The following MACF1 variants were observed in gnomAD, a reference collection of about 807,000 sequenced individuals.
The protein encoded by MACF1 is microtubule actin crosslinking factor 1, also known as microtubule-actin cross-linking factor 1.
MACF1 carries 193 observed loss-of-function variants against 854.8 expected under a neutral mutation model. That is an observed-to-expected ratio of 0.23 (90% CI 0.20 to 0.25). The LOEUF is 0.25. Ranked by LOEUF, MACF1 falls within the 10% of genes least tolerant of loss-of-function variation. The pLI is 1.00. For synonymous variants in MACF1, 3,185 were observed against 3,226.7 expected, an observed-to-expected ratio of 0.99 and a Z score of 0.44; for missense variants, 7,722 against 8,929.1, an observed-to-expected ratio of 0.86 and a Z score of 5.45.
At chr1:39,364,971 T>C (rs1363984115) in intron 49 of MACF1, among the ~76,000 whole-genome samples, 1 of 152,240 alleles carries the variant, frequency 6.6e-6, no homozygotes, top group Non-Finnish European at 1.5e-5. Context: ...AATTTAAGCT[T>C]ATTCTGAAGT....
At chr1:39,435,800 A>G (rs754550781) in intron 70 of MACF1, 39 bp downstream of exon 70, 2 of 1,580,688 alleles carry the variant, frequency 1.3e-6, no homozygotes, top group Non-Finnish European at 8.7e-7. Flanking sequence ...TGAATTGTCT[A>G]CTGTTCTAAA....
chr1:39,385,410 A>G, intron 56 of MACF1, 24 bp from the exon 57 acceptor site: 1 of 1,609,380 alleles, frequency 6.2e-7, no homozygotes, highest in Non-Finnish European at 8.5e-7. Context: ...CTGTCTAAAC[A>G]TCTTGGTGTC....
rs182056513 is a variant in MACF1, at chr1:39,333,621, A to G, written c.7033A>G (p.Thr2345Ala). The change falls in exon 37 of 101, where the codon ACA (threonine) becomes GCA (alanine). Residue 2345 changes from threonine to alanine, a missense_variant. This residue lies in a region of MACF1 where 1,531 missense variants were observed against 1,601.6 expected (regional missense o/e 0.96). Coordinates refer to ENST00000564288, the MANE Select transcript of MACF1 (RefSeq NM_001394062.1). Reference protein sequence around the residue: ...FFDSQTCESLTTEEVINEGLM... With the variant: ...FFDSQTCESLATEEVINEGLM... ...TGACTCTCAGACTTGTGAGTCTTTG[A>G]CAACTGAAGAAGTCATTAATGAAGG... 3.2e-5 allele frequency: 51 copies of G among 1,614,238 alleles called. No homozygotes were observed. Among genetic ancestry groups the G allele is most frequent in the Non-Finnish European group, 4.3e-5 (51 of 1,180,042 alleles).
In MACF1 at chr1:39,485,552, G is replaced by T; in HGVS notation, c.22426G>T (p.Ala7476Ser). ...KTNRADPKKS[A>S]SRPGSRAGSR... ...TTGAATTCCAGACCCTAAAAAGTCTGCCAGTCGCCCTGGGAGTCGGGCTGG... is the reference window on the plus strand; with the variant it reads ...TTGAATTCCAGACCCTAAAAAGTCTTCCAGTCGCCCTGGGAGTCGGGCTGG... The change falls in exon 101 of 101, where the codon GCC becomes TCC. Residue 7476 changes from alanine to serine, a missense_variant. This residue lies in a region of MACF1 where 185 missense variants were observed against 225.7 expected (regional missense o/e 0.82). Coordinates refer to ENST00000564288, the MANE Select transcript of MACF1 (RefSeq NM_001394062.1). 1 of 1,612,906 alleles carries T rather than the reference G, an allele frequency of 6.2e-7. No homozygotes were observed. Among genetic ancestry groups the T allele is most frequent in the Non-Finnish European group, 8.5e-7 (1 of 1,179,534 alleles).
intron 1 of MACF1, among the ~76,000 whole-genome samples, chr1:39,223,949 G>T (rs904402346): frequency 3.9e-5 from 6 of 152,206 alleles, no homozygotes; most frequent in African/African-American, 1.4e-4. Context: ...TCTGTCAGAA[G>T]CAAGGAGAAA....
intron 97 of MACF1, among the ~76,000 whole-genome samples, chr1:39,479,067 GAAAGCC>G (rs777002665): frequency 7.9e-5 from 12 of 152,330 alleles, no homozygotes; most frequent in Admixed American, 3.3e-4. Context: ...TGCAGCCCCA[GAAAGCC>G]ATAAGACAGC....
At chr1:39,155,156 C>T (rs890454223) in intron 2 of MACF1, among the ~76,000 whole-genome samples, 1 of 152,220 alleles carries the variant, frequency 6.6e-6, no homozygotes, top group Non-Finnish European at 1.5e-5. Flanking sequence ...TGGAGCCAGA[C>T]CATTGCACCA....
chr1:39,330,776 T>C (rs1417539739), intron 36 of MACF1, among the ~76,000 whole-genome samples: 2 of 151,842 alleles, frequency 1.3e-5, no homozygotes, highest in Non-Finnish European at 2.9e-5. Flanking sequence ...GTTTTCCTTG[T>C]GGTCAGAATT....
intron 58 of MACF1, among the ~76,000 whole-genome samples, chr1:39,421,317 AC>A (rs1164038027): frequency 6.6e-6 from 1 of 152,238 alleles, no homozygotes; most frequent in Non-Finnish European, 1.5e-5. Flanking sequence ...ATTCTGTTGC[AC>A]CATGGTAAAC....
chr1:39,333,142 A>G lies in MACF1; in HGVS notation c.6554A>G (p.Asp2185Gly), dbSNP rs1314995963. The G allele has an allele frequency of 1.2e-6, 2 of 1,613,978 alleles. No homozygotes were observed. Among genetic ancestry groups the G allele is most frequent in the South Asian group, 1.1e-5 (1 of 91,046 alleles). ...ACTCTTGAGACTGAATATATTCATG[A>G]TGAAACTGGAGGATCTCACATAAAA... ...AHTLETEYIHDETGGSHIKPQ... is the reference protein window; with the variant it reads ...AHTLETEYIHGETGGSHIKPQ... Residue 2185 changes from aspartate to glycine, a missense_variant, in exon 37 of 101, where the codon GAT becomes GGT. Around this residue, in one of 15 missense-constraint regions of MACF1, gnomAD observed 1,531 missense variants for 1,601.6 expected, o/e 0.96. Transcript: ENST00000564288.
chr1:39,285,193 T>G lies in MACF1; in HGVS notation c.1242T>G (p.Leu414=). The part of the protein sequence containing the change: ...IIEMLEREKS[L]RPAVERLELL... ...AGATGCTGGAACGAGAGAAATCACT[T>G]CGGCCGGCTGTGGAGAGGTGGGTCC... Residue 414 remains leucine, a synonymous_variant, in exon 12 of 101, where the codon CTT becomes CTG. Coordinates refer to ENST00000564288, the MANE Select transcript of MACF1 (RefSeq NM_001394062.1). 6.2e-7 allele frequency: 1 copy of G among 1,614,136 alleles called. No homozygotes were observed. The highest frequency in any genetic ancestry group is 8.5e-7 in the Non-Finnish European group (1 of 1,180,024).
At chr1:39,399,742 T>C (rs940509500) in intron 58 of MACF1, among the ~76,000 whole-genome samples, 2 of 152,194 alleles carry the variant, frequency 1.3e-5, no homozygotes, top group Admixed American at 6.5e-5. Context: ...AATGTATAAC[T>C]CACTTGGCTT....
intron 29 of MACF1, among the ~76,000 whole-genome samples, 159 bp downstream of exon 29, chr1:39,317,566 A>C (rs759761809): frequency 1.3e-5 from 2 of 152,218 alleles, no homozygotes; most frequent in Non-Finnish European, 2.9e-5. Flanking sequence ...AAGTGACAGA[A>C]AGGTGAGACC....
intron 58 of MACF1, chr1:39,413,913 T>C (rs1176770159): frequency 6.3e-7 from 1 of 1,592,402 alleles, no homozygotes; most frequent in African/African-American, 1.4e-5. Flanking sequence ...AGGAATTCAC[T>C]TCCCCGGCAG....
intron 97 of MACF1, among the ~76,000 whole-genome samples, chr1:39,471,380 G>A (rs759635678): frequency 1.3e-5 from 2 of 152,120 alleles, no homozygotes; most frequent in Non-Finnish European, 2.9e-5. Flanking sequence ...CATTTATGTT[G>A]CATATTTCCT....
intron 58 of MACF1, among the ~76,000 whole-genome samples, chr1:39,408,636 G>C (rs891344368): frequency 1.3e-5 from 2 of 151,438 alleles, no homozygotes; most frequent in Non-Finnish European, 2.9e-5. Context: ...GTTGGAGCGA[G>C]ACAGGGGCGG....
Position 39,333,531 on chromosome 1 carries a change from G to A in MACF1, c.6943G>A (p.Gly2315Ser). 1 of 1,614,164 alleles carries A rather than the reference G, an allele frequency of 6.2e-7. No homozygotes were observed. The highest frequency in any genetic ancestry group is 1.1e-5 in the South Asian group (1 of 91,076). Reference protein sequence around the residue: ...KLLLNEAISRGIVPSHTAVKL... With the variant: ...KLLLNEAISRSIVPSHTAVKL... ...CTTACTAAATGAAGCAATATCCCGA[G>A]GCATTGTGCCAAGTCACACTGCCGT... Residue 2315 changes from glycine to serine, a missense_variant, in exon 37 of 101, where the codon GGC becomes AGC. This residue lies in a region of MACF1 where 1,531 missense variants were observed against 1,601.6 expected (regional missense o/e 0.96). Transcript: ENST00000564288.
Position 39,435,713 on chromosome 1 carries a change from G to A in MACF1, c.17940G>A (p.Val5980=), listed in dbSNP as rs1643958278. The change falls in exon 70 of 101, where the codon GTG becomes GTA. Residue 5980 remains valine (V), a synonymous_variant. Coordinates refer to ENST00000564288, the MANE Select transcript of MACF1 (RefSeq NM_001394062.1). ...TGTATGCCCAAATAAAGGAGGAGGT[G>A]CGCCAGCGAGCCCTGGCTCTGGATG... ...ENMYAQIKEE[V]RQRALALDEA... is the part of the protein sequence containing the mutation. 1 of 1,614,130 alleles carries A rather than the reference G, an allele frequency of 6.2e-7. No individual in the cohort carries two copies. Among genetic ancestry groups the A allele is most frequent in the Non-Finnish European group, 8.5e-7 (1 of 1,180,002 alleles).
At position 39,360,046 on chromosome 1, in the gene MACF1, TATATATAC is replaced by T. The variant is rs1391401154; in HGVS notation, c.12245-745_12245-738del. Among the ~76,000 whole-genome samples the T allele has an allele frequency of 2.7e-3, 164 of 60,822 alleles. 1 individual carries two copies. Among genetic ancestry groups the T allele is most frequent in the African/African-American group, 4.5e-3 (67 of 14,940 alleles). 39.9% of individuals were successfully genotyped at this position (60,822 alleles called of 152,430 possible). ...ATATATATATATATATATATATATATATATATACACACACACACACACACATATGTATA... is the reference window on the plus strand; with the variant it reads ...ATATATATATATATATATATATATATACACACACACACACACATATGTATA... On this transcript the variant is annotated intron_variant, in intron 47 of 100. Coordinates refer to ENST00000564288, the MANE Select transcript of MACF1 (RefSeq NM_001394062.1).
Sources: allele counts gnomAD v4.1 joint callset (sites outside exome capture counted in the v4.1 genomes callset), GRCh38; gene constraint gnomAD v4.1.1; regional missense constraint gnomAD v4.1.1; transcripts MANE v1.5; gene names NCBI Gene and HGNC (gene_info 2026-07-23, HGNC 2026-07-21).